ARPC3: variants seen among roughly 807,000 people sequenced by gnomAD.
ARPC3 encodes the protein actin related protein 2/3 complex subunit 3, also known as actin-related protein 2/3 complex subunit 3.
In ARPC3, 12 loss-of-function variants were observed where a neutral mutation model predicts 27.6. The ratio of observed to expected loss-of-function variants is 0.43; its 90% CI spans 0.28 to 0.70. The LOEUF (loss-of-function observed/expected upper bound fraction) is 0.70, where lower values mean the gene tolerates loss of function less well. ARPC3 is among the 30% of genes least tolerant of loss of function. The pLI, the probability that ARPC3 is intolerant of heterozygous loss-of-function variation, is 0.17. For missense variants in ARPC3, 153 were observed against 207.7 expected (o/e 0.74, Z 1.62); for synonymous variants, 53 against 67.2 (o/e 0.79, Z 1.03).
rs1322243540 is a variant in ARPC3, at chr12:110,445,591, A to G, written c.7-40T>C. ...CCAGGAAGAACACAGAAGCAGAAAA[A>G]GAGCAAATGTCACTGTGGCAAACAA... On this transcript the variant is annotated intron_variant, in intron 1 of 6. Coordinates refer to ENST00000228825, the MANE Select transcript of ARPC3 (RefSeq NM_001278556.2). The G allele has an allele frequency of 2.8e-6, 4 of 1,433,372 alleles. No individual in the cohort carries two copies. In the South Asian group the frequency reaches 4.6e-5, roughly 16 times the overall value. 88.8% of individuals were successfully genotyped at this position (1,433,372 alleles called of 1,614,324 possible).
chr12:110,439,406 CAT>C (rs983562546), intron 3 of ARPC3, among the ~76,000 whole-genome samples: 5 of 152,212 alleles, frequency 3.3e-5, no homozygotes, highest in African/African-American at 4.8e-5. Context: ...TTAACCCACA[CAT>C]GAGATATAGA....
At chr12:110,449,519 C>T (rs1262816819) in intron 1 of ARPC3, among the ~76,000 whole-genome samples, 3 of 151,990 alleles carry the variant, frequency 2.0e-5, no homozygotes, top group Non-Finnish European at 1.5e-5. Flanking sequence ...CCGAGATCGC[C>T]TCACTGCACT....
chr12:110,440,508 T>TA, intron 2 of ARPC3, 120 bp from the exon 3 acceptor site: 1 of 712,060 alleles, frequency 1.4e-6, no homozygotes, highest in Non-Finnish European at 2.5e-6. Context: ...TTGAATAAAA[T>TA]AAAATGATCC....
intron 1 of ARPC3, among the ~76,000 whole-genome samples, chr12:110,448,889 C>A (rs1366282514): frequency 6.6e-6 from 1 of 150,980 alleles, no homozygotes; most frequent in East Asian, 2.0e-4. Context: ...GATTCTCCTG[C>A]CTCAGCCTCC....
At chr12:110,446,082 A>G (rs1460121384) in intron 1 of ARPC3, among the ~76,000 whole-genome samples, 2 of 151,712 alleles carry the variant, frequency 1.3e-5, no homozygotes, top group African/African-American at 2.4e-5. Flanking sequence ...CAGCCTGGGC[A>G]ACAGAGCAAG....
chr12:110,445,479 G>A lies in ARPC3; in HGVS notation c.79C>T (p.Gln27Ter). Reference protein sequence around the residue: ...GNMALLPIRSQFKGPAPRETK... With the variant: ...GNMALLPIRS ...TCTCTGGGGGCAGGTCCTTTGAATT[G>A]ACTTCTGATAGGCAACAGTGCCATG... The change falls in exon 2 of 7, where the codon CAA becomes TAA. Residue 27 changes from glutamine (Q) to a stop codon, truncating the protein, a stop_gained. Coordinates refer to ENST00000228825, the MANE Select transcript of ARPC3 (RefSeq NM_001278556.2). LOFTEE classifies it high-confidence loss of function. The A allele has an allele frequency of 6.2e-7, 1 of 1,613,184 alleles. No individual in the cohort carries two copies. The highest frequency in any genetic ancestry group is 8.5e-7 in the Non-Finnish European group (1 of 1,179,180).
intron 3 of ARPC3, among the ~76,000 whole-genome samples, chr12:110,438,653 T>TA (rs1566295098): frequency 5.6e-5 from 8 of 144,130 alleles, no homozygotes; most frequent in Non-Finnish European, 1.2e-4. Flanking sequence ...TCCTATATAT[T>TA]TTTTTTTTTT....
intron 2 of ARPC3, chr12:110,443,031 C>G (rs183068888): frequency 6.6e-6 from 1 of 152,292 alleles, no homozygotes; most frequent in East Asian, 1.9e-4. Context: ...AGCTTTCATA[C>G]TCTGCAATTC....
At position 110,434,835 on chromosome 12, in the gene ARPC3, T is replaced by C; in HGVS notation, c.*320A>G. On this transcript the variant is annotated 3_prime_UTR_variant, in exon 7 of 7. Coordinates refer to ENST00000228825, the MANE Select transcript of ARPC3 (RefSeq NM_001278556.2). ...TACACTTTAAAAGGGCATTATGGAA[T>C]GTGAATTTTATCTCAAAACAAATTG... The C allele has an allele frequency of 2.0e-6, 1 of 494,348 alleles. No homozygotes were observed. The highest frequency in any genetic ancestry group is 3.8e-6 in the Non-Finnish European group (1 of 266,266). 30.6% of individuals were successfully genotyped at this position (494,348 alleles called of 1,614,324 possible). A position where few individuals can be genotyped will look rare whatever the true frequency, so the allele number is the denominator to read the frequency against.
intron 1 of ARPC3, among the ~76,000 whole-genome samples, chr12:110,446,870 G>A (rs1299338672): frequency 6.6e-6 from 1 of 152,156 alleles, no homozygotes; most frequent in African/African-American, 2.4e-5. Context: ...GCCTCCCAAA[G>A]TGCTGGGATT....
intron 2 of ARPC3, among the ~76,000 whole-genome samples, chr12:110,443,843 G>T (rs1367370643): frequency 6.6e-6 from 1 of 152,200 alleles, no homozygotes; most frequent in East Asian, 1.9e-4. Flanking sequence ...AAAGGCCAAA[G>T]GATTCTGAAA....
At chr12:110,436,407 G>T in intron 5 of ARPC3, 150 bp downstream of exon 5, 1 of 1,380,922 alleles carries the variant, frequency 7.2e-7, no homozygotes, top group Non-Finnish European at 1.0e-6. Context: ...GCCAAGAATC[G>T]TTTGTGAGAG....
At chr12:110,436,458 A>G in intron 5 of ARPC3, 99 bp downstream of exon 5, 1 of 1,550,088 alleles carries the variant, frequency 6.5e-7, no homozygotes, top group Non-Finnish European at 8.9e-7. Flanking sequence ...TTCACTCTCA[A>G]TCTGTACATG....
intron 3 of ARPC3, among the ~76,000 whole-genome samples, chr12:110,438,414 G>A (rs571911370): frequency 5.0e-4 from 75 of 150,526 alleles, no homozygotes; most frequent in Non-Finnish European, 4.6e-4. Context: ...CCTGGCCAAC[G>A]TGGTGAAACC....
In ARPC3 at chr12:110,448,790, G is replaced by GGT. The variant is rs1555296507; in HGVS notation, c.6+1464_6+1465insAC. 6.4e-5 allele frequency among the ~76,000 whole-genome samples: 6 copies of GGT among 93,090 alleles called. No homozygotes were observed. In the South Asian group the frequency reaches 1.6e-3, roughly 25 times the overall value. 61.1% of individuals were successfully genotyped at this position (93,090 alleles called of 152,430 possible). A position where few individuals can be genotyped will look rare whatever the true frequency, so the allele number is the denominator to read the frequency against. ...GCTTCTTTTTTTCCGGGGGGGGGGG[G>GGT]GGTGGTGGTACAGAGTCTCACTCTG... On this transcript the variant is annotated intron_variant, in intron 1 of 6. Coordinates refer to ENST00000228825, the MANE Select transcript of ARPC3 (RefSeq NM_001278556.2).
intron 2 of ARPC3, 112 bp from the exon 3 acceptor site, chr12:110,440,500 G>GAATAA: frequency 1.4e-6 from 1 of 728,480 alleles, no homozygotes; most frequent in Non-Finnish European, 2.5e-6. Flanking sequence ...TTGTGGAGTT[G>GAATAA]AATAAAATAA....
intron 1 of ARPC3, among the ~76,000 whole-genome samples, chr12:110,448,072 G>A (rs2062476101): frequency 6.6e-6 from 1 of 151,570 alleles, no homozygotes; most frequent in South Asian, 2.1e-4. Context: ...TAGAGGCAGG[G>A]TCTCATTATG....
intron 6 of ARPC3, 56 bp from the exon 7 acceptor site, chr12:110,435,273 GCATTT>G: frequency 7.5e-7 from 1 of 1,324,606 alleles, no homozygotes; most frequent in Non-Finnish European, 1.1e-6. Flanking sequence ...AATAGAATTT[GCATTT>G]ATTTAATAAT....
In ARPC3 at chr12:110,440,275, G is replaced by GA. The variant is rs746072137; in HGVS notation, c.183+36dup. ...AGCAAGGTTGGTATTATCCCTATGA[G>GA]AAAACTAAGTTAAATATTAAAAGCT... On this transcript the variant is annotated intron_variant, in intron 3 of 6. Coordinates refer to ENST00000228825, the MANE Select transcript of ARPC3 (RefSeq NM_001278556.2). The GA allele has an allele frequency of 6.9e-6, 10 of 1,439,462 alleles. No homozygotes were observed. In the East Asian group the frequency reaches 2.3e-4, roughly 33 times the overall value. The allele number at this position is 1,439,462 out of a possible 1,614,324, so 89.2% of individuals were successfully genotyped here. A position where few individuals can be genotyped will look rare whatever the true frequency, so the allele number is the denominator to read the frequency against.
Sources: gnomAD v4.1 joint callset for allele counts (sites outside exome capture counted in the v4.1 genomes callset) on GRCh38, gnomAD v4.1.1 for gene constraint, MANE v1.5 for transcripts, NCBI Gene and HGNC (gene_info 2026-07-23, HGNC 2026-07-21) for gene names.